PLD1: variants seen among roughly 807,000 people sequenced by gnomAD.
PLD1 encodes the protein phospholipase D1, also known as choline phosphatase 1.
A neutral mutation model predicts 137.1 loss-of-function variants in PLD1; 112 were observed. That is an observed-to-expected ratio of 0.82 (90% CI 0.70 to 0.96). The LOEUF is 0.96. Ranked by LOEUF, PLD1 falls within the 40% of genes least tolerant of loss-of-function variation. The pLI is 0.00. For synonymous variants in PLD1, 431 were observed against 454.7 expected (o/e 0.95, Z 0.66); for missense variants, 1,321 against 1,342.0 (o/e 0.98, Z 0.24).
chr3:171,659,489 C>T (rs527544159), intron 20 of PLD1, among the ~76,000 whole-genome samples, 188 bp from the exon 21 acceptor site: 213 of 152,294 alleles, frequency 1.4e-3, no homozygotes, highest in African/African-American at 5.0e-3. Flanking sequence ...TCATCTGATT[C>T]CAGGTCATAT....
At chr3:171,687,697 C>T in intron 14 of PLD1, 113 bp from the exon 15 acceptor site, 1 of 686,706 alleles carries the variant, frequency 1.5e-6, no homozygotes, top group Non-Finnish European at 2.4e-6. Flanking sequence ...GGTTCTATAA[C>T]AGACATGCAA....
intron 24 of PLD1, among the ~76,000 whole-genome samples, chr3:171,616,332 T>C (rs1733110268): frequency 6.6e-6 from 1 of 152,228 alleles, no homozygotes; most frequent in African/African-American, 2.4e-5. Context: ...TTGTGGTTTG[T>C]GCTTATTTTG....
At chr3:171,636,855 C>G (rs1386641858) in intron 23 of PLD1, among the ~76,000 whole-genome samples, 2 of 152,194 alleles carry the variant, frequency 1.3e-5, no homozygotes, top group Non-Finnish European at 1.5e-5. Flanking sequence ...GGAAAGCTTT[C>G]AGTCTTTCAC....
At chr3:171,680,981 C>A (rs2108493504) in intron 16 of PLD1, among the ~76,000 whole-genome samples, 1 of 152,334 alleles carries the variant, frequency 6.6e-6, no homozygotes, top group Non-Finnish European at 1.5e-5. Flanking sequence ...TAGGGATTTT[C>A]CAACATTTAA....
At chr3:171,677,908 T>G (rs1013694532) in intron 16 of PLD1, 1 of 417,174 alleles carries the variant, frequency 2.4e-6, no homozygotes, top group African/African-American at 2.0e-5. Context: ...TACAACAAGA[T>G]TCATCATTAA....
At chr3:171,737,215 G>C (rs1461304883) in intron 3 of PLD1, among the ~76,000 whole-genome samples, 1 of 152,216 alleles carries the variant, frequency 6.6e-6, no homozygotes, top group African/African-American at 2.4e-5. Flanking sequence ...GAGTCCAAAT[G>C]AAACAGAAAA....
intron 1 of PLD1, among the ~76,000 whole-genome samples, chr3:171,785,342 TA>T (rs1294974892): frequency 6.6e-6 from 1 of 152,168 alleles, no homozygotes; most frequent in East Asian, 1.9e-4. Context: ...TTATTTAACC[TA>T]ATTTACCAAA....
intron 1 of PLD1, among the ~76,000 whole-genome samples, chr3:171,742,176 G>A (rs1289465140): frequency 6.6e-6 from 1 of 152,192 alleles, no homozygotes; most frequent in African/African-American, 2.4e-5. Context: ...TGGGACTGGG[G>A]TGGGAGGAAA....
At chr3:171,677,046 G>T (rs369104245) in intron 17 of PLD1, among the ~76,000 whole-genome samples, 1 of 152,212 alleles carries the variant, frequency 6.6e-6, no homozygotes, top group African/African-American at 2.4e-5. Flanking sequence ...ATATGTTTCC[G>T]TTTCACTTAG....
At chr3:171,751,996 C>A (rs1457496042) in intron 1 of PLD1, among the ~76,000 whole-genome samples, 1 of 149,244 alleles carries the variant, frequency 6.7e-6, no homozygotes, top group Non-Finnish European at 1.5e-5. Context: ...GAGCGAGACT[C>A]CGTCTCAAAA....
Position 171,677,387 on chromosome 3 carries a change from G to GA in PLD1, c.1996+178dup, listed in dbSNP as rs1171734991. 3.8e-3 allele frequency among the ~76,000 whole-genome samples: 581 copies of GA among 151,388 alleles called. 2 individuals carry two copies. The highest frequency in any genetic ancestry group is 0.013 in the African/African-American group (546 of 41,312). On this transcript the variant is annotated intron_variant, in intron 17 of 26. Transcript: ENST00000351298. ...TTCATGTTCTTTTCTTATTATAACT[G>GA]AAAAAAAAGTCCTTAAGCACATGCT...
intron 16 of PLD1, among the ~76,000 whole-genome samples, chr3:171,681,955 C>G (rs1714006436): frequency 1.3e-5 from 2 of 152,042 alleles, no homozygotes; most frequent in Non-Finnish European, 2.9e-5. Flanking sequence ...AGGAAAAGAT[C>G]AGCACATAGT....
At chr3:171,682,985 C>A (rs936728567) in intron 16 of PLD1, among the ~76,000 whole-genome samples, 9 of 152,172 alleles carry the variant, frequency 5.9e-5, no homozygotes, top group Admixed American at 4.6e-4. Flanking sequence ...AAAAATAAAT[C>A]ACCTCACGCT....
chr3:171,711,893 T>G (rs1717270368), intron 9 of PLD1, among the ~76,000 whole-genome samples: 1 of 151,708 alleles, frequency 6.6e-6, no homozygotes, highest in Non-Finnish European at 1.5e-5. Context: ...GTCAGAATTC[T>G]GCCTACTACT....
At chr3:171,751,347 G>A (rs72622535) in intron 1 of PLD1, among the ~76,000 whole-genome samples, 40,847 of 151,990 alleles carry the variant, frequency 0.27, 5,906 homozygotes, top group Admixed American at 0.32. Context: ...AGTTTAAAAC[G>A]TTCATTGAAC....
rs184098577 is a variant in PLD1 at position 171,650,888 on chromosome 3, C to T, written c.2430-5865G>A. Among the ~76,000 whole-genome samples, 224 of 150,744 alleles carry T rather than the reference C, an allele frequency of 1.5e-3. 3 individuals carry two copies. Among genetic ancestry groups the T allele is most frequent in the South Asian group, 1.3e-3 (6 of 4,758 alleles). On this transcript the variant is annotated intron_variant, in intron 21 of 26. Coordinates refer to ENST00000351298, the MANE Select transcript of PLD1 (RefSeq NM_002662.5). ...CACTCCAGCAGCCCGGGCGACAGAG[C>T]GAGAATCCGTCTCAAAAAAAAAAAA...
At chr3:171,675,684 T>C (rs1328565837) in intron 18 of PLD1, among the ~76,000 whole-genome samples, 1 of 152,192 alleles carries the variant, frequency 6.6e-6, no homozygotes, top group Non-Finnish European at 1.5e-5. Flanking sequence ...TCAATTAGAA[T>C]GTCCACTAAA....
rs1717459498 is a variant in PLD1, at chr3:171,713,900, G to T, written c.904C>A (p.Leu302Ile). ...AATATTTGAAATGTGTACCTTGAAA[G>T]ATTATCAATTCGGATTCCATATTTC... ...ETKYGIRIDN[L>I]SRTLILKCNS... The change falls in exon 9 of 27, where the codon CTT (leucine) becomes ATT (isoleucine). Residue 302 changes from leucine (L) to isoleucine (I), a missense_variant. Coordinates refer to ENST00000351298, the MANE Select transcript of PLD1 (RefSeq NM_002662.5). 1 of 1,611,298 alleles carries T rather than the reference G, an allele frequency of 6.2e-7. No homozygotes were observed. The highest frequency in any genetic ancestry group is 2.2e-5 in the East Asian group (1 of 44,822).
At chr3:171,770,454 G>A (rs1286222925) in intron 1 of PLD1, among the ~76,000 whole-genome samples, 1 of 152,162 alleles carries the variant, frequency 6.6e-6, no homozygotes, top group East Asian at 1.9e-4. Context: ...ACGCACCAGT[G>A]GGGTGAGGGA....
Sources: allele counts gnomAD v4.1 joint callset (sites outside exome capture counted in the v4.1 genomes callset), GRCh38; gene constraint gnomAD v4.1.1; transcripts MANE v1.5; gene names NCBI Gene and HGNC (gene_info 2026-07-23, HGNC 2026-07-21).